PCNT: variants seen among roughly 807,000 people sequenced by gnomAD.
The protein encoded by PCNT is pericentrin, also known as kendrin.
PCNT carries 319 observed loss-of-function variants against 380.4 expected under a neutral mutation model. That is an observed-to-expected ratio of 0.84 (90% CI 0.77 to 0.92). The LOEUF (loss-of-function observed/expected upper bound fraction) is 0.92, where lower values mean the gene tolerates loss of function less well. Among genes scored for constraint, PCNT ranks in the 40% least tolerant of loss-of-function variants. The pLI is 0.00. For synonymous variants in PCNT, 1,845 were observed against 1,735.2 expected, an observed-to-expected ratio of 1.06 and a Z score of -1.57; for missense variants, 4,400 against 4,255.3, an observed-to-expected ratio of 1.03 and a Z score of -0.95.
chr21:46,361,986 T>C (rs2084736064), intron 13 of PCNT, among the ~76,000 whole-genome samples: 1 of 152,242 alleles, frequency 6.6e-6, no homozygotes, highest in Non-Finnish European at 1.5e-5. Flanking sequence ...GGTTGCATCC[T>C]GGACACTGTG....
chr21:46,437,207 ATGGTTGCTATC>A (rs1210387973), intron 40 of PCNT, 126 bp downstream of exon 40: 7 of 688,480 alleles, frequency 1.0e-5, no homozygotes, highest in African/African-American at 1.8e-5. Flanking sequence ...CTCTGAATTC[ATGGTTGCTATC>A]TGGGTGAGTG....
chr21:46,415,365 A>ATTTT (rs35983555), intron 29 of PCNT, among the ~76,000 whole-genome samples: 11 of 65,280 alleles, frequency 1.7e-4, no homozygotes, highest in Non-Finnish European at 2.3e-4. Flanking sequence ...GTTTCTTTGA[A>ATTTT]TTTTTTTTTT....
intron 8 of PCNT, 36 bp from the exon 9 acceptor site, chr21:46,351,393 C>T (rs1214003888): frequency 3.5e-6 from 4 of 1,140,846 alleles, no homozygotes; most frequent in Admixed American, 1.7e-5. Context: ...GCCTTGAGCT[C>T]ATTAGGGTTT....
At chr21:46,428,867 T>G (rs2087620838) in intron 35 of PCNT, among the ~76,000 whole-genome samples, 1 of 152,210 alleles carries the variant, frequency 6.6e-6, no homozygotes, top group African/African-American at 2.4e-5. Flanking sequence ...TGGGAGCTCA[T>G]GCTAGAGTTC....
chr21:46,350,078 C>T (rs1389023278), intron 8 of PCNT, among the ~76,000 whole-genome samples: 1 of 152,114 alleles, frequency 6.6e-6, no homozygotes, highest in African/African-American at 2.4e-5. Flanking sequence ...ACTCGGGAGG[C>T]TGAGGCACGA....
chr21:46,436,889 GTC>G (rs1007029419), intron 39 of PCNT, 88 bp from the exon 40 acceptor site: 1 of 956,842 alleles, frequency 1.0e-6, no homozygotes, highest in Admixed American at 1.8e-5. Flanking sequence ...AACCTGTCTT[GTC>G]TCTCTTGAGC....
In PCNT at chr21:46,348,789, A is replaced by T. The variant is rs182517690; in HGVS notation, c.1033-223A>T. ...GCCACCACATCCCACTAATTTTTGT[A>T]TTTTTTTTTTTGTAGAGATGGGGTC... On this transcript the variant is annotated intron_variant, in intron 6 of 46. Coordinates refer to ENST00000359568, the MANE Select transcript of PCNT (RefSeq NM_006031.6). Among the ~76,000 whole-genome samples the T allele has an allele frequency of 0.012, 1,704 of 143,786 alleles. 19 individuals carry two copies. The highest frequency in any genetic ancestry group is 0.021 in the Non-Finnish European group (1,367 of 65,348). The allele number at this position is 143,786 out of a possible 152,430, so 94.3% of individuals were successfully genotyped here.
At chr21:46,353,516 C>T (rs1007198459) in intron 10 of PCNT, among the ~76,000 whole-genome samples, 190 bp downstream of exon 10, 2 of 151,852 alleles carry the variant, frequency 1.3e-5, no homozygotes, top group African/African-American at 4.8e-5. Flanking sequence ...TGTGTGTGTG[C>T]GAGCCATTGG....
intron 3 of PCNT, among the ~76,000 whole-genome samples, 160 bp from the exon 4 acceptor site, chr21:46,345,968 A>T (rs2084052424): frequency 6.6e-6 from 1 of 152,078 alleles, no homozygotes; most frequent in Admixed American, 6.5e-5. Context: ...ATCCCTCAGG[A>T]GGCATTTGGG....
chr21:46,432,002 G>T lies in PCNT; in HGVS notation c.8538G>T (p.Thr2846=). 1.2e-6 allele frequency: 2 copies of T among 1,613,892 alleles called. No individual in the cohort carries two copies. Among genetic ancestry groups the T allele is most frequent in the Non-Finnish European group, 8.5e-7 (1 of 1,180,034 alleles). The change falls in exon 38 of 47, where the codon ACG becomes ACT. Residue 2846 remains threonine (T), a synonymous_variant. Coordinates refer to ENST00000359568, the MANE Select transcript of PCNT (RefSeq NM_006031.6). ...EKEVSATLKS[T]VEALHTQKRE... is the part of the protein sequence containing the mutation. The stretch of plus-strand genomic sequence containing the variant: ...AGGTAAGTGCCACACTGAAGTCGAC[G>T]GTGGAAGCCCTGCACACCCAAAAAC...
chr21:46,441,107 A>T, intron 43 of PCNT, 23 bp downstream of exon 43: 1 of 1,462,626 alleles, frequency 6.8e-7, no homozygotes, highest in Non-Finnish European at 9.6e-7. Context: ...ACGTTCAGTC[A>T]GTGCGTTCCG....
chr21:46,334,879 A>G, intron 3 of PCNT, 111 bp downstream of exon 3: 1 of 1,532,056 alleles, frequency 6.5e-7, no homozygotes, highest in Admixed American at 1.8e-5. Context: ...CTCTCTTTAG[A>G]AGTGGAAACT....
intron 32 of PCNT, among the ~76,000 whole-genome samples, chr21:46,424,244 C>T (rs571489530): frequency 2.0e-5 from 3 of 152,348 alleles, no homozygotes; most frequent in African/African-American, 4.8e-5. Flanking sequence ...CACCTCTGGC[C>T]GTGCCTGGAA....
At chr21:46,383,308 G>A (rs1307331185) in intron 16 of PCNT, among the ~76,000 whole-genome samples, 4 of 142,506 alleles carry the variant, frequency 2.8e-5, no homozygotes, top group Non-Finnish European at 3.0e-5. Flanking sequence ...GCGCATTCAC[G>A]GTGTTGTGCG....
At chr21:46,389,917 A>G (rs191415682) in intron 19 of PCNT, among the ~76,000 whole-genome samples, 1 of 152,212 alleles carries the variant, frequency 6.6e-6, no homozygotes, top group East Asian at 1.9e-4. Flanking sequence ...GCTGGAGGAG[A>G]TGTGGTCTGA....
At chr21:46,377,659 G>T (rs1601888449) in intron 15 of PCNT, among the ~76,000 whole-genome samples, 1 of 152,102 alleles carries the variant, frequency 6.6e-6, no homozygotes, top group East Asian at 1.9e-4. Context: ...GAGCCCAGGA[G>T]TTCAAGACCA....
At chr21:46,389,835 C>T (rs1428326583) in intron 19 of PCNT, among the ~76,000 whole-genome samples, 1 of 152,224 alleles carries the variant, frequency 6.6e-6, no homozygotes, top group African/African-American at 2.4e-5. Flanking sequence ...GCAGTCCCAG[C>T]ACTTTGGGAG....
At chr21:46,333,925 G>T (rs1275971029) in intron 2 of PCNT, among the ~76,000 whole-genome samples, 2 of 151,896 alleles carry the variant, frequency 1.3e-5, no homozygotes, top group Non-Finnish European at 2.9e-5. Context: ...GTTTAGAGCT[G>T]GCCAGGTGTG....
intron 6 of PCNT, 45 bp from the exon 7 acceptor site, chr21:46,348,967 C>CA (rs1392199823): frequency 7.8e-7 from 1 of 1,274,604 alleles, no homozygotes; most frequent in South Asian, 1.2e-5. Flanking sequence ...TTCTTTAGCA[C>CA]AGATAATCAA....
Sources: gnomAD v4.1 joint callset for allele counts (sites outside exome capture counted in the v4.1 genomes callset) on GRCh38, gnomAD v4.1.1 for gene constraint, MANE v1.5 for transcripts, NCBI Gene and HGNC (gene_info 2026-07-23, HGNC 2026-07-21) for gene names.